The following CTBP2 variants were observed in gnomAD, a reference collection of about 807,000 sequenced individuals.
The protein encoded by CTBP2 is C-terminal binding protein 2.
Under a neutral mutation model 80.3 loss-of-function variants are expected in CTBP2, and 30 were observed. The ratio of observed to expected loss-of-function variants is 0.37; its 90% CI spans 0.28 to 0.51. The LOEUF is 0.51. CTBP2 is among the 20% of genes least tolerant of loss of function. The pLI is 0.93. For synonymous variants in CTBP2, 594 were observed against 587.4 expected, an observed-to-expected ratio of 1.01 and a Z score of -0.16; for missense variants, 1,212 against 1,375.3, an observed-to-expected ratio of 0.88 and a Z score of 1.88.
At chr10:125,054,104 G>C (rs1963378216) in intron 2 of CTBP2, among the ~76,000 whole-genome samples, 1 of 152,070 alleles carries the variant, frequency 6.6e-6, no homozygotes, top group African/African-American at 2.4e-5. Context: ...GGCCCACTGA[G>C]AGCTTTCCAA....
intron 1 of CTBP2, among the ~76,000 whole-genome samples, chr10:125,012,696 G>C (rs536710940): frequency 3.3e-5 from 5 of 152,294 alleles, no homozygotes; most frequent in African/African-American, 1.2e-4. Context: ...CTGGAGTGCA[G>C]TGGCGCGATC....
intron 2 of CTBP2, among the ~76,000 whole-genome samples, chr10:125,110,483 C>A (rs1023534452): frequency 6.6e-6 from 1 of 152,132 alleles, no homozygotes; most frequent in Non-Finnish European, 1.5e-5. Flanking sequence ...CCAGAAAAAT[C>A]ATGGTATGTT....
chr10:125,120,410 G>A (rs1424394390), intron 1 of CTBP2, among the ~76,000 whole-genome samples: 7 of 152,100 alleles, frequency 4.6e-5, no homozygotes, highest in East Asian at 1.9e-4. Context: ...TTTTTGAGAC[G>A]GAGTCTCACC....
At chr10:125,096,978 C>T (rs998506710) in intron 2 of CTBP2, among the ~76,000 whole-genome samples, 34 of 152,324 alleles carry the variant, frequency 2.2e-4, no homozygotes, top group African/African-American at 8.2e-4. Context: ...AATAGCTCTA[C>T]ATTTCTATCT....
rs1403408376 is a variant in CTBP2 at position 125,028,025 on chromosome 10, G to T, written c.-266C>A. On this transcript the variant is annotated 5_prime_UTR_variant, in exon 1 of 9. Transcript: ENST00000309035. ...TTCCTTACAGCTCAGTCCCGGAGAG[G>T]AGGCTGTCCCCAGCCTGCCAGGTCC... 1 of 892,752 alleles carries T rather than the reference G, an allele frequency of 1.1e-6. No homozygotes were observed. The highest frequency in any genetic ancestry group is 1.7e-5 in the African/African-American group (1 of 58,684). The allele number at this position is 892,752 out of a possible 1,614,324, so 55.3% of individuals were successfully genotyped here. A position where few individuals can be genotyped will look rare whatever the true frequency, so the allele number is the denominator to read the frequency against.
intron 1 of CTBP2, among the ~76,000 whole-genome samples, chr10:125,159,118 G>T (rs1055132069): frequency 6.6e-6 from 1 of 150,600 alleles, no homozygotes; most frequent in African/African-American, 2.4e-5. Flanking sequence ...GGGAGAGAAA[G>T]AAAGGCGCTT....
chr10:125,074,879 CA>C (rs1456669412), intron 2 of CTBP2, among the ~76,000 whole-genome samples: 2 of 152,210 alleles, frequency 1.3e-5, no homozygotes, highest in Non-Finnish European at 1.5e-5. Flanking sequence ...GATGGCAGCT[CA>C]ATGGCACAGT....
intron 2 of CTBP2, among the ~76,000 whole-genome samples, chr10:125,063,971 C>G (rs1026445463): frequency 1.3e-5 from 2 of 152,152 alleles, no homozygotes; most frequent in African/African-American, 4.8e-5. Flanking sequence ...AGCCCTCAAC[C>G]CCCCGCACCC....
intron 2 of CTBP2, among the ~76,000 whole-genome samples, chr10:125,046,120 C>A (rs931394624): frequency 4.6e-5 from 7 of 152,122 alleles, no homozygotes; most frequent in Admixed American, 4.6e-4. Context: ...CCCCCCAAAT[C>A]ATCTAAATGC....
At chr10:125,137,720 C>T (rs1218463551) in intron 1 of CTBP2, among the ~76,000 whole-genome samples, 1 of 152,254 alleles carries the variant, frequency 6.6e-6, no homozygotes, top group Non-Finnish European at 1.5e-5. Flanking sequence ...TCAACAAGGA[C>T]TGTCAGCAAA....
Position 124,988,821 on chromosome 10 carries a change from T to C in CTBP2, c.*697A>G, listed in dbSNP as rs1261639273. 4 of 152,426 alleles carry C rather than the reference T, an allele frequency of 2.6e-5. No homozygotes were observed. Among genetic ancestry groups the C allele is most frequent in the African/African-American group, 4.8e-5 (2 of 41,358 alleles). 9.4% of individuals were successfully genotyped at this position (152,426 alleles called of 1,614,324 possible). On this transcript the variant is annotated 3_prime_UTR_variant, in exon 9 of 9. Transcript: ENST00000309035. ...GCTCAAGACTTTCCACTCAATAAAA[T>C]AGCAGAGGATCTGAAACTGAGAAAA...
At chr10:125,091,908 T>G (rs1848818914) in intron 2 of CTBP2, among the ~76,000 whole-genome samples, 1 of 152,356 alleles carries the variant, frequency 6.6e-6, no homozygotes, top group Admixed American at 6.5e-5. Flanking sequence ...CTTTCCCCCA[T>G]GATTATTTTT....
intron 4 of CTBP2, chr10:124,997,730 TAC>T (rs1326148932): frequency 1.7e-6 from 1 of 575,842 alleles, no homozygotes; most frequent in African/African-American, 1.9e-5. Context: ...TGCCAGACAC[TAC>T]AGACAGCAGT....
chr10:125,003,239 C>A, intron 2 of CTBP2, 99 bp downstream of exon 4: 1 of 1,584,826 alleles, frequency 6.3e-7, no homozygotes. Context: ...AACAGGGGTT[C>A]TGGGGCCTGC....
chr10:124,993,793 T>G (rs1589913675), intron 6 of CTBP2, 62 bp downstream of exon 8: 3 of 1,549,518 alleles, frequency 1.9e-6, no homozygotes, highest in East Asian at 4.5e-5. Context: ...GTTCAAAGTG[T>G]GGGGGTCAGG....
chr10:125,009,284 GC>G (rs1955598108), intron 1 of CTBP2, among the ~76,000 whole-genome samples: 1 of 152,210 alleles, frequency 6.6e-6, no homozygotes. Flanking sequence ...GGCTTCATCA[GC>G]CCCTGTGACC....
intron 2 of CTBP2, among the ~76,000 whole-genome samples, chr10:125,053,557 G>A (rs563963351): frequency 1.4e-4 from 22 of 152,284 alleles, no homozygotes; most frequent in Non-Finnish European, 2.6e-4. Flanking sequence ...AAGGCCCTTG[G>A]GAAATCAACA....
intron 2 of CTBP2, among the ~76,000 whole-genome samples, chr10:125,072,649 A>G (rs1377666360): frequency 2.0e-5 from 3 of 150,436 alleles, no homozygotes; most frequent in Non-Finnish European, 4.4e-5. Flanking sequence ...AAAAAAAAAA[A>G]AAAAAAAAGG....
At chr10:125,096,035 G>A (rs1012737221) in intron 2 of CTBP2, among the ~76,000 whole-genome samples, 2 of 151,986 alleles carry the variant, frequency 1.3e-5, no homozygotes, top group African/African-American at 4.8e-5. Context: ...AGGGAGCGCA[G>A]GGAGTGGGGG....
Sources: allele counts gnomAD v4.1 joint callset (sites outside exome capture counted in the v4.1 genomes callset), GRCh38; gene constraint gnomAD v4.1.1; transcripts MANE v1.5; gene names NCBI Gene and HGNC (gene_info 2026-07-23, HGNC 2026-07-21).